THSD4: variants seen among roughly 807,000 people sequenced by gnomAD.
The protein encoded by THSD4 is thrombospondin type-1 domain-containing protein 4.
A neutral mutation model predicts 119.0 loss-of-function variants in THSD4; 69 were observed. The observed-to-expected ratio is 0.58, with a 90% CI of 0.48 to 0.71. THSD4 has a LOEUF of 0.71. THSD4 is among the 30% of genes least tolerant of loss of function. The pLI, the probability that THSD4 is intolerant of heterozygous loss-of-function variation, is 0.00. For missense variants in THSD4, 1,393 were observed against 1,391.1 expected (o/e 1.00, Z -0.02); for synonymous variants, 524 against 540.4 (o/e 0.97, Z 0.42).
At chr15:71,314,257 C>A (rs2045154947) in intron 6 of THSD4, among the ~76,000 whole-genome samples, 1 of 151,592 alleles carries the variant, frequency 6.6e-6, no homozygotes, top group Non-Finnish European at 1.5e-5. Context: ...AAAACTTAGC[C>A]TGGTAATATT....
chr15:71,458,742 G>T (rs2047373509), intron 7 of THSD4, among the ~76,000 whole-genome samples: 1 of 152,170 alleles, frequency 6.6e-6, no homozygotes, highest in Non-Finnish European at 1.5e-5. Flanking sequence ...ATAAAGGTGA[G>T]GAAAATATTG....
At chr15:71,526,441 TC>T (rs1352479062) in intron 7 of THSD4, among the ~76,000 whole-genome samples, 1 of 152,130 alleles carries the variant, frequency 6.6e-6, no homozygotes, top group Non-Finnish European at 1.5e-5. Flanking sequence ...AGAAATGCAG[TC>T]GTTTTGGCAG....
chr15:71,780,865 G>T lies in THSD4; in HGVS notation c.*3491G>T, dbSNP rs1436224172. The T allele has an allele frequency of 2.2e-6, 1 of 450,156 alleles. No homozygotes were observed. The highest frequency in any genetic ancestry group is 4.4e-6 in the Non-Finnish European group (1 of 224,848). 27.9% of individuals were successfully genotyped at this position (450,156 alleles called of 1,614,324 possible). On this transcript the variant is annotated 3_prime_UTR_variant, in exon 18 of 18. Coordinates refer to ENST00000261862, the MANE Select transcript of THSD4 (RefSeq NM_024817.3). ...CCTTACAAAGGGACAGAAAAGAGAA[G>T]ACACGAGCTTGGTGTATTTTCATCA...
At chr15:71,628,220 T>A (rs1029528950) in intron 7 of THSD4, among the ~76,000 whole-genome samples, 2 of 152,182 alleles carry the variant, frequency 1.3e-5, no homozygotes, top group African/African-American at 4.8e-5. Context: ...GGAGGGAGGA[T>A]TCCATTGACA....
chr15:71,221,296 C>A (rs2043974225), intron 4 of THSD4, among the ~76,000 whole-genome samples: 1 of 152,146 alleles, frequency 6.6e-6, no homozygotes, highest in Admixed American at 6.5e-5. Flanking sequence ...ATAAAATTGA[C>A]CATCTTAACT....
At chr15:71,495,247 C>T (rs2047995413) in intron 7 of THSD4, among the ~76,000 whole-genome samples, 2 of 152,128 alleles carry the variant, frequency 1.3e-5, no homozygotes, top group Non-Finnish European at 2.9e-5. Flanking sequence ...TGAAATGGAG[C>T]TCTCCTCTCC....
chr15:71,172,910 G>T (rs2043395550), intron 3 of THSD4, among the ~76,000 whole-genome samples: 1 of 151,246 alleles, frequency 6.6e-6, no homozygotes, highest in African/African-American at 2.4e-5. Context: ...ACATAATAAA[G>T]ACCATATAAG....
At chr15:71,271,777 G>A (rs887746863) in intron 6 of THSD4, among the ~76,000 whole-genome samples, 2 of 152,032 alleles carry the variant, frequency 1.3e-5, no homozygotes, top group African/African-American at 4.8e-5. Flanking sequence ...CTATTCTAAG[G>A]CTTTCTAGTT....
chr15:71,435,036 G>A (rs1383967162), intron 7 of THSD4, among the ~76,000 whole-genome samples: 1 of 152,196 alleles, frequency 6.6e-6, no homozygotes, highest in Non-Finnish European at 1.5e-5. Context: ...TTAAAGATGA[G>A]CTGCACAACA....
intron 6 of THSD4, among the ~76,000 whole-genome samples, chr15:71,312,463 A>G (rs562176794): frequency 3.9e-5 from 6 of 152,152 alleles, no homozygotes; most frequent in Middle Eastern, 3.2e-3. Flanking sequence ...CCAGGGCTGC[A>G]TATGCACATC....
chr15:71,605,504 C>T (rs2050092253), intron 7 of THSD4, among the ~76,000 whole-genome samples: 2 of 152,194 alleles, frequency 1.3e-5, no homozygotes, highest in Admixed American at 6.5e-5. Flanking sequence ...TTACTAACTA[C>T]TGAACAAACC....
At chr15:71,429,472 C>T (rs1358825148) in intron 7 of THSD4, among the ~76,000 whole-genome samples, 1 of 152,128 alleles carries the variant, frequency 6.6e-6, no homozygotes, top group Non-Finnish European at 1.5e-5. Context: ...AATCTTTCTT[C>T]CTCAATATGA....
At chr15:71,279,714 A>T (rs1268149257) in intron 6 of THSD4, among the ~76,000 whole-genome samples, 1 of 152,122 alleles carries the variant, frequency 6.6e-6, no homozygotes, top group Non-Finnish European at 1.5e-5. Flanking sequence ...CTCCCAAATG[A>T]AACTGTGACT....
intron 3 of THSD4, chr15:71,165,522 C>G: frequency 1.3e-6 from 1 of 797,098 alleles, no homozygotes; most frequent in Non-Finnish European, 2.0e-6. Context: ...CCAAAACAGT[C>G]ATTTTTGTAA....
chr15:71,261,815 A>G (rs2044403456), intron 6 of THSD4, among the ~76,000 whole-genome samples: 1 of 152,208 alleles, frequency 6.6e-6, no homozygotes, highest in African/African-American at 2.4e-5. Flanking sequence ...TTACTAGAAA[A>G]TAATGCAGTC....
chr15:71,428,985 G>A (rs888779394), intron 7 of THSD4, among the ~76,000 whole-genome samples: 2 of 152,094 alleles, frequency 1.3e-5, no homozygotes, highest in African/African-American at 2.4e-5. Flanking sequence ...GTATGGTATC[G>A]CACACTAGGA....
In THSD4 at chr15:71,650,011, T is replaced by C. The variant is rs374368629; in HGVS notation, c.1153-10519T>C. On this transcript the variant is annotated intron_variant, in intron 7 of 17. Transcript: ENST00000261862. ...GAGACCTTCTGGTAGTTGGAACTACTTAATATAGAGGGTGGCAATCTCTCA... is the reference window on the plus strand; with the variant it reads ...GAGACCTTCTGGTAGTTGGAACTACCTAATATAGAGGGTGGCAATCTCTCA... Among the ~76,000 whole-genome samples, 16 of 152,292 alleles carry C rather than the reference T, an allele frequency of 1.1e-4. No individual in the cohort carries two copies. The South Asian group carries it at 3.3e-3, about 32-fold the overall frequency.
intron 11 of THSD4, among the ~76,000 whole-genome samples, chr15:71,743,995 G>C (rs568919940): frequency 3.8e-4 from 58 of 152,308 alleles, no homozygotes; most frequent in Non-Finnish European, 3.1e-4. Flanking sequence ...TACTGGCCTG[G>C]ACTGTGGGGA....
intron 14 of THSD4, 24 bp downstream of exon 14, chr15:71,748,618 G>T: frequency 1.2e-6 from 2 of 1,612,042 alleles, no homozygotes; most frequent in African/African-American, 1.3e-5. Flanking sequence ...CGGGCAGAGC[G>T]CCGGGGACCG....
Sources: gnomAD v4.1 joint callset for allele counts (sites outside exome capture counted in the v4.1 genomes callset) on GRCh38, gnomAD v4.1.1 for gene constraint, MANE v1.5 for transcripts, NCBI Gene and HGNC (gene_info 2026-07-23, HGNC 2026-07-21) for gene names.